EVI5: variants seen among roughly 807,000 people sequenced by gnomAD.
The protein encoded by EVI5 is ecotropic viral integration site 5, also known as ecotropic viral integration site 5 protein homolog.
EVI5 carries 73 observed loss-of-function variants against 112.0 expected under a neutral mutation model. The observed-to-expected ratio is 0.65, with a 90% CI of 0.54 to 0.79. The LOEUF (loss-of-function observed/expected upper bound fraction) is 0.79. Ranked by LOEUF, EVI5 falls within the 30% of genes least tolerant of loss-of-function variation. The probability of loss-of-function intolerance (pLI) is 0.00; values close to 1 mark genes in which losing one functional copy is unlikely to be tolerated. For missense variants in EVI5, 900 were observed against 968.8 expected, an observed-to-expected ratio of 0.93 and a Z score of 0.94; for synonymous variants, 305 against 319.9, an observed-to-expected ratio of 0.95 and a Z score of 0.50.
chr1:92,715,584 C>G (rs1299610578), intron 2 of EVI5, among the ~76,000 whole-genome samples: 1 of 152,140 alleles, frequency 6.6e-6, no homozygotes, highest in Non-Finnish European at 1.5e-5. Flanking sequence ...AACTGAGGTA[C>G]CTGGTTCATC....
intron 5 of EVI5, among the ~76,000 whole-genome samples, chr1:92,701,673 A>T (rs887022515): frequency 4.6e-5 from 7 of 152,080 alleles, no homozygotes; most frequent in African/African-American, 1.4e-4. Context: ...CCTAGGGGGT[A>T]AAAGTGGCTG....
chr1:92,665,124 G>A (rs1664665357), intron 11 of EVI5, among the ~76,000 whole-genome samples: 1 of 152,066 alleles, frequency 6.6e-6, no homozygotes, highest in Non-Finnish European at 1.5e-5. Context: ...AGAATCCCTC[G>A]AACCTGGGAG....
At position 92,693,701 on chromosome 1, in the gene EVI5, C is replaced by T. The variant is rs1005840062; in HGVS notation, c.1097+101G>A. On this transcript the variant is annotated intron_variant, in intron 9 of 19. Coordinates refer to ENST00000684568, the MANE Select transcript of EVI5 (RefSeq NM_001350197.2). ...TATGCTATATTGAAACCAATACCACCGAAGAAAATAATATAGTTCTATAAC... is the reference window on the plus strand; with the variant it reads ...TATGCTATATTGAAACCAATACCACTGAAGAAAATAATATAGTTCTATAAC... 7.3e-5 allele frequency: 49 copies of T among 672,158 alleles called. 1 individual carries two copies. Among genetic ancestry groups the T allele is most frequent in the South Asian group, 5.5e-4 (29 of 52,588 alleles). 41.6% of individuals were successfully genotyped at this position (672,158 alleles called of 1,614,324 possible).
chr1:92,761,333 AT>A (rs1161618327), intron 1 of EVI5, among the ~76,000 whole-genome samples: 1 of 150,936 alleles, frequency 6.6e-6, no homozygotes, highest in African/African-American at 2.4e-5. Context: ...TTATAGCACG[AT>A]TTTTTTTTAG....
At position 92,636,605 on chromosome 1, in the gene EVI5, C is replaced by T. The variant is rs182531539; in HGVS notation, c.1393-269G>A. The stretch of plus-strand genomic sequence containing the variant: ...TCAAATCTGATTCATATAAGATAAA[C>T]ATCTCCTTTTATCTGTCCATCCATC... On this transcript the variant is annotated intron_variant, in intron 13 of 19. Coordinates refer to ENST00000684568, the MANE Select transcript of EVI5 (RefSeq NM_001350197.2). Among the ~76,000 whole-genome samples the T allele has an allele frequency of 7.9e-4, 120 of 152,262 alleles. 1 individual carries two copies. Among genetic ancestry groups the T allele is most frequent in the African/African-American group, 2.8e-3 (115 of 41,544 alleles).
chr1:92,609,303 T>C (rs957307999), intron 16 of EVI5, among the ~76,000 whole-genome samples: 20 of 152,364 alleles, frequency 1.3e-4, no homozygotes, highest in Non-Finnish European at 2.8e-4. Context: ...GAAGATTAGA[T>C]TATGGGCGAA....
chr1:92,534,103 T>G (rs1336717601), intron 19 of EVI5, among the ~76,000 whole-genome samples: 1 of 152,208 alleles, frequency 6.6e-6, no homozygotes, highest in Non-Finnish European at 1.5e-5. Flanking sequence ...AAAATCAATG[T>G]GCAAAAAATC....
intron 18 of EVI5, among the ~76,000 whole-genome samples, chr1:92,577,883 T>G (rs983286793): frequency 6.6e-6 from 1 of 152,242 alleles, no homozygotes; most frequent in African/African-American, 2.4e-5. Flanking sequence ...AGTGAAAGTT[T>G]TAGACCCATT....
intron 19 of EVI5, among the ~76,000 whole-genome samples, chr1:92,524,886 C>T (rs1203838092): frequency 6.7e-6 from 1 of 148,302 alleles, no homozygotes; most frequent in Non-Finnish European, 1.5e-5. Context: ...AGTGCAGTGG[C>T]GTGATCTCAG....
chr1:92,768,703 C>T (rs1682985578), intron 1 of EVI5, among the ~76,000 whole-genome samples: 1 of 152,064 alleles, frequency 6.6e-6, no homozygotes, highest in Non-Finnish European at 1.5e-5. Context: ...GATGAAGCCC[C>T]ATCTCTACAA....
At chr1:92,527,737 T>C (rs535667041) in intron 19 of EVI5, among the ~76,000 whole-genome samples, 2 of 152,238 alleles carry the variant, frequency 1.3e-5, no homozygotes, top group African/African-American at 4.8e-5. Context: ...TTATATGGTA[T>C]GCATTTGTTT....
At chr1:92,765,570 C>T (rs911793865) in intron 1 of EVI5, among the ~76,000 whole-genome samples, 2 of 151,030 alleles carry the variant, frequency 1.3e-5, no homozygotes, top group African/African-American at 2.4e-5. Context: ...AACAAAGACA[C>T]GAAACAAAAC....
At chr1:92,682,502 C>T (rs1667754490) in intron 9 of EVI5, among the ~76,000 whole-genome samples, 1 of 152,172 alleles carries the variant, frequency 6.6e-6, no homozygotes, top group Non-Finnish European at 1.5e-5. Context: ...TGGCTCATGC[C>T]TGTAATCCCA....
chr1:92,751,995 G>A lies in EVI5; in HGVS notation c.-81-15368C>T, dbSNP rs377429963. Among the ~76,000 whole-genome samples the A allele has an allele frequency of 7.2e-4, 109 of 152,116 alleles. 2 individuals carry two copies. In the South Asian group the frequency reaches 0.018, roughly 26 times the overall value. ...CACGCCACTGCACTCAAGCCTGGGC[G>A]ACAGAGAGACACCCTGTCTTAAAAA... On this transcript the variant is annotated intron_variant, in intron 1 of 19. Coordinates refer to ENST00000684568, the MANE Select transcript of EVI5 (RefSeq NM_001350197.2).
intron 18 of EVI5, among the ~76,000 whole-genome samples, chr1:92,572,339 G>T (rs1371051114): frequency 6.6e-6 from 1 of 152,066 alleles, no homozygotes; most frequent in Admixed American, 6.6e-5. Flanking sequence ...TTAATAGAGT[G>T]GAGATAGTGG....
At chr1:92,684,233 T>C (rs1017158445) in intron 9 of EVI5, among the ~76,000 whole-genome samples, 1 of 151,882 alleles carries the variant, frequency 6.6e-6, no homozygotes, top group Non-Finnish European at 1.5e-5. Flanking sequence ...CCAGAAGAGA[T>C]TGGGGGCCAA....
intron 18 of EVI5, among the ~76,000 whole-genome samples, chr1:92,572,933 T>G (rs533762099): frequency 1.3e-5 from 2 of 152,214 alleles, no homozygotes; most frequent in South Asian, 2.1e-4. Flanking sequence ...TAGTTGCAAG[T>G]TGGAGCCCAA....
At chr1:92,640,700 A>G (rs1254807231) in intron 13 of EVI5, among the ~76,000 whole-genome samples, 1 of 152,004 alleles carries the variant, frequency 6.6e-6, no homozygotes, top group East Asian at 1.9e-4. Flanking sequence ...AACCAGAAAT[A>G]CCATTTGACC....
intron 13 of EVI5, among the ~76,000 whole-genome samples, chr1:92,639,955 TAACA>T (rs1191099951): frequency 1.3e-5 from 2 of 152,002 alleles, no homozygotes; most frequent in African/African-American, 4.8e-5. Flanking sequence ...ACCTGAGAAA[TAACA>T]CCGTACTTCT....
Sources: allele counts gnomAD v4.1 joint callset (sites outside exome capture counted in the v4.1 genomes callset), GRCh38; gene constraint gnomAD v4.1.1; transcripts MANE v1.5; gene names NCBI Gene and HGNC (gene_info 2026-07-23, HGNC 2026-07-21).